The following ANO1 variants were observed in gnomAD, a reference collection of about 807,000 sequenced individuals.
The protein encoded by ANO1 is anoctamin 1.
A neutral mutation model predicts 124.0 loss-of-function variants in ANO1; 59 were observed. That is an observed-to-expected ratio of 0.48 (90% confidence interval 0.39 to 0.59). The LOEUF (loss-of-function observed/expected upper bound fraction) is 0.59. ANO1 is among the 20% of genes least tolerant of loss of function. The probability of loss-of-function intolerance (pLI) is 0.00; values close to 1 mark genes in which losing one functional copy is unlikely to be tolerated. For missense variants in ANO1, 1,059 were observed against 1,328.0 expected (o/e 0.80, Z 3.15); for synonymous variants, 529 against 532.0 (o/e 0.99, Z 0.08).
intron 1 of ANO1, among the ~76,000 whole-genome samples, chr11:70,008,955 G>A (rs910679257): frequency 6.6e-5 from 10 of 152,264 alleles, no homozygotes; most frequent in Non-Finnish European, 1.3e-4. Context: ...ATGGGAAAAT[G>A]TCGAGGAATC....
intron 1 of ANO1, among the ~76,000 whole-genome samples, chr11:70,080,194 AC>A (rs1387446871): frequency 6.6e-6 from 1 of 152,128 alleles, no homozygotes. Flanking sequence ...AGCTCATTGA[AC>A]TCTCACAACG....
At chr11:70,187,064 A>C (rs920674143) in intron 25 of ANO1, among the ~76,000 whole-genome samples, 20 of 152,090 alleles carry the variant, frequency 1.3e-4, no homozygotes, top group African/African-American at 4.6e-4. Context: ...CCAGGCTGGG[A>C]AGAGGGAGAT....
At chr11:70,133,971 G>A (rs1203350484) in intron 11 of ANO1, among the ~76,000 whole-genome samples, 4 of 152,190 alleles carry the variant, frequency 2.6e-5, no homozygotes, top group South Asian at 2.1e-4. Flanking sequence ...GACAGAGGCC[G>A]CCAGCTCTGA....
intron 1 of ANO1, among the ~76,000 whole-genome samples, chr11:70,026,704 C>T (rs926767123): frequency 6.6e-6 from 1 of 152,094 alleles, no homozygotes; most frequent in African/African-American, 2.4e-5. Flanking sequence ...AGCACACAGA[C>T]CTTGAATCAG....
At chr11:70,117,503 T>G (rs1184224387) in intron 8 of ANO1, among the ~76,000 whole-genome samples, 1 of 152,084 alleles carries the variant, frequency 6.6e-6, no homozygotes, top group African/African-American at 2.4e-5. Context: ...GCTCTGCTTC[T>G]CTACCATGCC....
chr11:70,183,619 G>A (rs922811567), intron 24 of ANO1, among the ~76,000 whole-genome samples: 3 of 152,222 alleles, frequency 2.0e-5, no homozygotes, highest in African/African-American at 2.4e-5. Context: ...GCTGGTGCGT[G>A]TGGCTTCTGA....
chr11:69,989,804 G>A (rs1377212100), intron 1 of ANO1, among the ~76,000 whole-genome samples: 3 of 152,090 alleles, frequency 2.0e-5, no homozygotes, highest in Non-Finnish European at 4.4e-5. Flanking sequence ...TTGAAAGTAG[G>A]GCCCACAGGA....
chr11:70,039,597 G>A (rs369218804), intron 1 of ANO1, among the ~76,000 whole-genome samples: 210 of 150,204 alleles, frequency 1.4e-3, no homozygotes, highest in Non-Finnish European at 1.9e-3. Flanking sequence ...CTCCCCTTCC[G>A]CAGGTGGTAG....
At position 70,110,184 on chromosome 11, in the gene ANO1, C is replaced by CT. The variant is rs923690897; in HGVS notation, c.800-1502dup. Among the ~76,000 whole-genome samples the CT allele has an allele frequency of 2.6e-3, 304 of 118,062 alleles. 2 individuals are homozygous for CT. The highest frequency in any genetic ancestry group is 7.6e-3 in the South Asian group (27 of 3,548). The allele number at this position is 118,062 out of a possible 152,430, so 77.5% of individuals were successfully genotyped here. On this transcript the variant is annotated intron_variant, in intron 6 of 25. Coordinates refer to ENST00000355303, the MANE Select transcript of ANO1 (RefSeq NM_018043.7). ...CTGGCTGAGGGCCTATGTTCACTTT[C>CT]TTTTTTTTTTTTTTTTTTTTTAGAC...
intron 11 of ANO1, among the ~76,000 whole-genome samples, chr11:70,140,387 C>T (rs780082057): frequency 3.4e-4 from 52 of 151,974 alleles, no homozygotes; most frequent in African/African-American, 1.1e-3. Context: ...AAAAATTAGC[C>T]GAGCGTGGTG....
At chr11:70,070,127 A>G (rs1428583589) in intron 1 of ANO1, among the ~76,000 whole-genome samples, 1 of 152,012 alleles carries the variant, frequency 6.6e-6, no homozygotes, top group Non-Finnish European at 1.5e-5. Context: ...TTAAGAGTCA[A>G]TGCCTTGGGG....
intron 1 of ANO1, among the ~76,000 whole-genome samples, chr11:69,990,154 C>T (rs1208170378): frequency 1.3e-5 from 2 of 152,178 alleles, no homozygotes; most frequent in Admixed American, 6.5e-5. Context: ...CCCCACCCCG[C>T]CCTGCCTCTC....
At chr11:70,187,316 C>T (rs1417984669) in intron 25 of ANO1, among the ~76,000 whole-genome samples, 2 of 152,190 alleles carry the variant, frequency 1.3e-5, no homozygotes, top group African/African-American at 4.8e-5. Context: ...GAAATGTCTC[C>T]GTGGAGGTGG....
intron 1 of ANO1, among the ~76,000 whole-genome samples, chr11:70,027,551 CA>C (rs1856928916): frequency 6.6e-6 from 1 of 152,238 alleles, no homozygotes; most frequent in African/African-American, 2.4e-5. Flanking sequence ...CATCAAACTG[CA>C]AACACTTAAG....
chr11:69,976,704 C>T, the ANO1 span, among the ~76,000 whole-genome samples: 1 of 152,150 alleles, frequency 6.6e-6, no homozygotes, highest in Non-Finnish European at 1.5e-5. Flanking sequence ...CTCCAACTTC[C>T]AGCCTCTAAG....
chr11:70,142,242 C>T (rs117222198), intron 11 of ANO1, among the ~76,000 whole-genome samples: 472 of 152,266 alleles, frequency 3.1e-3, no homozygotes, highest in Non-Finnish European at 5.7e-3. Flanking sequence ...TGCAAAAAGC[C>T]GGAGAAAGAT....
chr11:70,087,978 C>G lies in ANO1; in HGVS notation c.335C>G (p.Ser112Trp). ...PGKGASLDAG[S>W]GEPPMDYHED... is the part of the protein sequence containing the mutation. ...AAGGGGGCGTCGCTGGATGCAGGCTCGGGGGAGCCCCCGATGGACTACCAC... is the reference window on the plus strand; with the variant it reads ...AAGGGGGCGTCGCTGGATGCAGGCTGGGGGGAGCCCCCGATGGACTACCAC... Residue 112 changes from serine (S) to tryptophan (W), a missense_variant, in exon 2 of 26, where the codon TCG becomes TGG. Ser to Trp is a radical substitution (Grantham distance 177, BLOSUM62 -3). Transcript: ENST00000355303. The G allele has an allele frequency of 6.3e-7, 1 of 1,582,242 alleles. No homozygotes were observed. The highest frequency in any genetic ancestry group is 1.2e-5 in the South Asian group (1 of 86,564).
chr11:70,184,050 G>A lies in ANO1; in HGVS notation c.2588+1364G>A, dbSNP rs566910480. 5.9e-5 allele frequency among the ~76,000 whole-genome samples: 9 copies of A among 152,314 alleles called. No individual in the cohort carries two copies. In the East Asian group the frequency reaches 9.7e-4, roughly 16 times the overall value. ...AGGGCTGTGCCTGCAAATCCAGGTG[G>A]CCCTTCTCCTAGCCTCCCCGACTGA... On this transcript the variant is annotated intron_variant, in intron 24 of 25. Coordinates refer to ENST00000355303, the MANE Select transcript of ANO1 (RefSeq NM_018043.7).
At chr11:70,003,083 G>T (rs1056425875) in intron 1 of ANO1, among the ~76,000 whole-genome samples, 12 of 152,064 alleles carry the variant, frequency 7.9e-5, no homozygotes, top group Non-Finnish European at 1.5e-4. Context: ...ATATCAAGCT[G>T]GGGGTAACTA....
Sources: gnomAD v4.1 joint callset for allele counts (sites outside exome capture counted in the v4.1 genomes callset) on GRCh38, gnomAD v4.1.1 for gene constraint, MANE v1.5 for transcripts, NCBI Gene and HGNC (gene_info 2026-07-23, HGNC 2026-07-21) for gene names.